SESTD1: variants seen among roughly 807,000 people sequenced by gnomAD.
The protein encoded by SESTD1 is SEC14 domain and spectrin repeat-containing protein 1.
Under a neutral mutation model 101.7 loss-of-function variants are expected in SESTD1, and 43 were observed. The ratio of observed to expected loss-of-function variants is 0.42; its 90% CI spans 0.33 to 0.55. The LOEUF (loss-of-function observed/expected upper bound fraction) is 0.55, where lower values mean the gene tolerates loss of function less well. Ranked by LOEUF, SESTD1 falls within the 20% of genes least tolerant of loss-of-function variation. SESTD1 has a pLI of 0.07. For synonymous variants in SESTD1, 283 were observed against 286.8 expected (o/e 0.99, Z 0.13); for missense variants, 647 against 815.1 (o/e 0.79, Z 2.51).
At chr2:179,246,254 C>CAAAAAAAAAAAAAAAAAAAAAAAAAA (rs60185738) in intron 1 of SESTD1, among the ~76,000 whole-genome samples, 1 of 73,704 alleles carries the variant, frequency 1.4e-5, no homozygotes, top group Non-Finnish European at 2.5e-5. Context: ...GACTCCATCT[C>CAAAAAAAAAAAAAAAAAAAAAAAAAA]AAAAAAAAAA....
intron 1 of SESTD1, among the ~76,000 whole-genome samples, chr2:179,235,215 T>C (rs2047049382): frequency 6.6e-6 from 1 of 152,142 alleles, no homozygotes; most frequent in Non-Finnish European, 1.5e-5. Context: ...AAAATCCTTA[T>C]TTAGGGAGAC....
chr2:179,151,493 C>A, intron 5 of SESTD1, 102 bp from the exon 6 acceptor site: 1 of 633,666 alleles, frequency 1.6e-6, no homozygotes, highest in South Asian at 3.0e-5. Flanking sequence ...AATATTGTTT[C>A]CAACATGATG....
chr2:179,224,160 G>A (rs1256371487), intron 1 of SESTD1, among the ~76,000 whole-genome samples: 2 of 152,106 alleles, frequency 1.3e-5, no homozygotes, highest in Non-Finnish European at 1.5e-5. Context: ...TTAATTATGT[G>A]TATTTCCTCA....
At chr2:179,154,222 C>G (rs2045583560) in intron 5 of SESTD1, among the ~76,000 whole-genome samples, 1 of 132,346 alleles carries the variant, frequency 7.6e-6, no homozygotes, top group Admixed American at 8.5e-5. Context: ...CAGAGAACCC[C>G]ATGAAGAAAA....
chr2:179,248,288 CAAAA>C (rs2047263204), intron 1 of SESTD1, among the ~76,000 whole-genome samples: 1 of 151,316 alleles, frequency 6.6e-6, no homozygotes, highest in South Asian at 2.1e-4. Flanking sequence ...TTATAAAACT[CAAAA>C]AGAAAAAAGA....
At chr2:179,177,660 C>G (rs2046034477) in intron 3 of SESTD1, among the ~76,000 whole-genome samples, 1 of 152,182 alleles carries the variant, frequency 6.6e-6, no homozygotes, top group Non-Finnish European at 1.5e-5. Flanking sequence ...CAGCCAAGCA[C>G]TGAAGCTGAG....
rs1395399481 is a variant in SESTD1 at position 179,213,403 on chromosome 2, T to C, written c.-25-21537A>G. 6.0e-5 allele frequency among the ~76,000 whole-genome samples: 8 copies of C among 134,220 alleles called. 3 individuals are homozygous for C. Among genetic ancestry groups the C allele is most frequent in the East Asian group, 2.0e-4 (1 of 5,038 alleles). 88.1% of individuals were successfully genotyped at this position (134,220 alleles called of 152,430 possible). On this transcript the variant is annotated intron_variant, in intron 1 of 17. Transcript: ENST00000428443. ...CAAGTGGAAGAAAGGATATCAGTGA[T>C]TGAAGATCAAATTAATGAAATAAAA...
intron 1 of SESTD1, among the ~76,000 whole-genome samples, chr2:179,229,414 A>G (rs983458419): frequency 2.0e-5 from 3 of 152,074 alleles, no homozygotes; most frequent in African/African-American, 7.2e-5. Flanking sequence ...TCAGGCCTTC[A>G]GACTGACTGG....
At chr2:179,224,018 T>C (rs765114577) in intron 1 of SESTD1, among the ~76,000 whole-genome samples, 1 of 152,176 alleles carries the variant, frequency 6.6e-6, no homozygotes, top group African/African-American at 2.4e-5. Flanking sequence ...AAATTTGCTT[T>C]TGAGAAAAGG....
chr2:179,163,314 C>A (rs2045774296), intron 5 of SESTD1, among the ~76,000 whole-genome samples: 1 of 152,072 alleles, frequency 6.6e-6, no homozygotes, highest in African/African-American at 2.4e-5. Flanking sequence ...TATGCTTTAT[C>A]AATTTAAGAA....
At chr2:179,191,575 C>G (rs942287095) in intron 2 of SESTD1, among the ~76,000 whole-genome samples, 6 of 151,966 alleles carry the variant, frequency 3.9e-5, no homozygotes, top group African/African-American at 1.2e-4. Flanking sequence ...CCCCCTGAAT[C>G]TAAAAAAATG....
chr2:179,200,061 A>G (rs992731430), intron 1 of SESTD1, among the ~76,000 whole-genome samples: 6 of 152,238 alleles, frequency 3.9e-5, no homozygotes, highest in Non-Finnish European at 1.5e-5. Flanking sequence ...TAAGCTGATA[A>G]GCAACTTCAG....
At chr2:179,238,113 C>A (rs1445963380) in intron 1 of SESTD1, among the ~76,000 whole-genome samples, 1 of 152,028 alleles carries the variant, frequency 6.6e-6, no homozygotes, top group Non-Finnish European at 1.5e-5. Context: ...TTAAGAAAAT[C>A]AAAAGAAGAG....
At chr2:179,128,146 C>T (rs2044920322) in intron 10 of SESTD1, among the ~76,000 whole-genome samples, 1 of 152,208 alleles carries the variant, frequency 6.6e-6, no homozygotes, top group African/African-American at 2.4e-5. Flanking sequence ...TTTCAACAAG[C>T]ATCTCTGATG....
Position 179,151,259 on chromosome 2 carries a change from C to A in SESTD1, c.483+19G>T. 2 of 1,436,938 alleles carry A rather than the reference C, an allele frequency of 1.4e-6. No individual in the cohort carries two copies. The highest frequency in any genetic ancestry group is 2.4e-5 in the East Asian group (1 of 41,838). The allele number at this position is 1,436,938 out of a possible 1,614,324, so 89.0% of individuals were successfully genotyped here. ...TTATTTCTATGCAATAACATTTTAT[C>A]TCATTGTAATATACCAACCAGCCTC... On this transcript the variant is annotated intron_variant, in intron 6 of 17. Coordinates refer to ENST00000428443, the MANE Select transcript of SESTD1 (RefSeq NM_178123.5).
intron 5 of SESTD1, among the ~76,000 whole-genome samples, chr2:179,152,164 AAAT>A: frequency 6.6e-6 from 1 of 152,366 alleles, no homozygotes; most frequent in East Asian, 1.9e-4. Context: ...TTGATAAGAA[AAAT>A]AATGTGTCTG....
In SESTD1 at chr2:179,208,800, A is replaced by G. The variant is rs149244196; in HGVS notation, c.-25-16934T>C. 8.5e-4 allele frequency among the ~76,000 whole-genome samples: 115 copies of G among 135,202 alleles called. 8 individuals are homozygous for G. In the East Asian group the frequency reaches 0.02, roughly 24 times the overall value. The allele number at this position is 135,202 out of a possible 152,430, so 88.7% of individuals were successfully genotyped here. A position where few individuals can be genotyped will look rare whatever the true frequency, so the allele number is the denominator to read the frequency against. The stretch of plus-strand genomic sequence containing the variant: ...ATTCATCTCACAGGACCTGTAAAAC[A>G]ATAACACAATGAAAACAAACCAAGG... On this transcript the variant is annotated intron_variant, in intron 1 of 17. Transcript: ENST00000428443.
At chr2:179,232,693 AAAG>A (rs1415954496) in intron 1 of SESTD1, among the ~76,000 whole-genome samples, 12 of 151,940 alleles carry the variant, frequency 7.9e-5, no homozygotes, top group African/African-American at 2.7e-4. Flanking sequence ...AAAAATTAAT[AAAG>A]AGATCTCTAT....
intron 1 of SESTD1, among the ~76,000 whole-genome samples, chr2:179,235,715 C>A (rs1411888210): frequency 6.6e-6 from 1 of 152,166 alleles, no homozygotes; most frequent in Non-Finnish European, 1.5e-5. Flanking sequence ...AAAATTAATT[C>A]TTTCACTCCA....
Sources: allele counts gnomAD v4.1 joint callset (sites outside exome capture counted in the v4.1 genomes callset), GRCh38; gene constraint gnomAD v4.1.1; transcripts MANE v1.5; gene names NCBI Gene and HGNC (gene_info 2026-07-23, HGNC 2026-07-21).